SH3GL2: variants seen among roughly 807,000 people sequenced by gnomAD.
The protein encoded by SH3GL2 is SH3 domain containing GRB2 like 2, endophilin A1, also known as endophilin-A1.
Under a neutral mutation model 46.0 loss-of-function variants are expected in SH3GL2, and 24 were observed. That is an observed-to-expected ratio of 0.52 (90% CI 0.38 to 0.73). SH3GL2 has a LOEUF of 0.73. Ranked by LOEUF, SH3GL2 falls within the 30% of genes least tolerant of loss-of-function variation. The pLI is 0.00. For synonymous variants in SH3GL2, 196 were observed against 147.1 expected (o/e 1.33, Z -2.40); for missense variants, 413 against 424.2 (o/e 0.97, Z 0.23).
At chr9:17,598,711 T>G (rs979119830) in intron 1 of SH3GL2, among the ~76,000 whole-genome samples, 41 of 152,374 alleles carry the variant, frequency 2.7e-4, no homozygotes, top group African/African-American at 8.9e-4. Context: ...GCATTAATTT[T>G]ATGGCCATTC....
intron 3 of SH3GL2, among the ~76,000 whole-genome samples, chr9:17,777,840 G>C (rs1823685838): frequency 6.6e-6 from 1 of 152,054 alleles, no homozygotes; most frequent in Non-Finnish European, 1.5e-5. Flanking sequence ...TTCAGCATAT[G>C]AATTTGGGGA....
intron 1 of SH3GL2, among the ~76,000 whole-genome samples, chr9:17,743,640 CGTTGT>C (rs1822597918): frequency 6.6e-6 from 1 of 150,788 alleles, no homozygotes; most frequent in East Asian, 2.0e-4. Flanking sequence ...GATTTGACCC[CGTTGT>C]GTTATCAAGA....
chr9:17,725,080 T>C (rs563138244), intron 1 of SH3GL2, among the ~76,000 whole-genome samples: 33 of 152,226 alleles, frequency 2.2e-4, no homozygotes, highest in Admixed American at 2.1e-3. Context: ...AGATTTTATT[T>C]TATTTTAACT....
At chr9:17,754,921 C>T (rs1238876669) in intron 2 of SH3GL2, among the ~76,000 whole-genome samples, 6 of 152,088 alleles carry the variant, frequency 3.9e-5, no homozygotes, top group African/African-American at 2.4e-5. Flanking sequence ...TAGGATCATG[C>T]CGTCTGCAAA....
In SH3GL2 at chr9:17,586,086, T is replaced by A. The variant is rs537438508; in HGVS notation, c.45+6799T>A. 1.4e-4 allele frequency among the ~76,000 whole-genome samples: 22 copies of A among 152,314 alleles called. No individual in the cohort carries two copies. In the East Asian group the frequency reaches 3.9e-3, roughly 27 times the overall value. On this transcript the variant is annotated intron_variant, in intron 1 of 8. Coordinates refer to ENST00000380607, the MANE Select transcript of SH3GL2 (RefSeq NM_003026.5). ...AGTCTTTTGCATTCTACCAACAAAA[T>A]ATTTTCATGCTATACTAAATCATTA... is the stretch of plus-strand genomic sequence containing the variant.
At chr9:17,658,767 T>G (rs1820147631) in intron 1 of SH3GL2, among the ~76,000 whole-genome samples, 1 of 152,200 alleles carries the variant, frequency 6.6e-6, no homozygotes, top group African/African-American at 2.4e-5. Context: ...GTATTGAACT[T>G]GTCTGAAAAG....
At chr9:17,668,595 T>C (rs1190168040) in intron 1 of SH3GL2, among the ~76,000 whole-genome samples, 1 of 152,244 alleles carries the variant, frequency 6.6e-6, no homozygotes, top group Non-Finnish European at 1.5e-5. Flanking sequence ...AATTCACCCA[T>C]GTTTTCCCCT....
intron 1 of SH3GL2, among the ~76,000 whole-genome samples, chr9:17,744,532 A>C (rs927089385): frequency 6.6e-6 from 1 of 151,878 alleles, no homozygotes; most frequent in African/African-American, 2.4e-5. Flanking sequence ...TGTTCAACTA[A>C]TTTATTTTTA....
chr9:17,787,991 G>A (rs1174302005), intron 5 of SH3GL2, among the ~76,000 whole-genome samples: 1 of 152,092 alleles, frequency 6.6e-6, no homozygotes, highest in Non-Finnish European at 1.5e-5. Context: ...TTTTCATAAT[G>A]GTTGTTAGGA....
chr9:17,662,963 A>G (rs1386595635), intron 1 of SH3GL2, among the ~76,000 whole-genome samples: 1 of 152,138 alleles, frequency 6.6e-6, no homozygotes, highest in Non-Finnish European at 1.5e-5. Flanking sequence ...CCCGCCTCCC[A>G]AAGTGCTGGG....
chr9:17,698,281 T>G (rs1484749582), intron 1 of SH3GL2, among the ~76,000 whole-genome samples: 1 of 152,210 alleles, frequency 6.6e-6, no homozygotes, highest in Non-Finnish European at 1.5e-5. Flanking sequence ...CCTCTGAATT[T>G]CTGACTCATA....
At chr9:17,587,689 A>C (rs6475153) in intron 1 of SH3GL2, among the ~76,000 whole-genome samples, 14,468 of 151,980 alleles carry the variant, frequency 0.095, 2,295 homozygotes, top group African/African-American at 0.33. Flanking sequence ...ACCAGCCTGG[A>C]CAACATGGTG....
intron 1 of SH3GL2, among the ~76,000 whole-genome samples, chr9:17,619,927 G>A (rs1230138043): frequency 6.6e-6 from 1 of 152,116 alleles, no homozygotes; most frequent in Non-Finnish European, 1.5e-5. Context: ...TCATCAGCCT[G>A]GAGTGTTAAA....
rs72715499 is a variant in SH3GL2 at position 17,749,831 on chromosome 9, C to T, written c.114+2697C>T. Among the ~76,000 whole-genome samples the T allele has an allele frequency of 7.7e-4, 117 of 152,282 alleles. 2 individuals carry two copies. The highest frequency in any genetic ancestry group is 1.3e-3 in the Non-Finnish European group (90 of 68,024). On this transcript the variant is annotated intron_variant, in intron 2 of 8. Transcript: ENST00000380607. ...TAGGCAAATACCAACAGACCTTCCT[C>T]TGAGTATGAAAGTAAGGTATAAGGA...
intron 2 of SH3GL2, among the ~76,000 whole-genome samples, chr9:17,755,020 A>T (rs898928449): frequency 3.3e-5 from 5 of 152,040 alleles, no homozygotes; most frequent in Non-Finnish European, 5.9e-5. Flanking sequence ...TTCCAATACT[A>T]TGTTAAATAG....
chr9:17,764,274 C>T (rs569469597), intron 3 of SH3GL2, among the ~76,000 whole-genome samples: 2 of 152,290 alleles, frequency 1.3e-5, no homozygotes, highest in Non-Finnish European at 2.9e-5. Flanking sequence ...TTTAAACAAC[C>T]TGCATTTAAT....
At chr9:17,629,084 AC>A (rs1381258537) in intron 1 of SH3GL2, among the ~76,000 whole-genome samples, 2 of 151,784 alleles carry the variant, frequency 1.3e-5, no homozygotes, top group East Asian at 3.9e-4. Context: ...TGGGATGTTG[AC>A]CTTTATAGTA....
At chr9:17,688,357 A>G (rs990175914) in intron 1 of SH3GL2, among the ~76,000 whole-genome samples, 3 of 152,092 alleles carry the variant, frequency 2.0e-5, no homozygotes, top group African/African-American at 7.2e-5. Context: ...GTAGTTTGGG[A>G]TGGAAAATGG....
intron 1 of SH3GL2, among the ~76,000 whole-genome samples, chr9:17,610,435 A>G (rs1219691817): frequency 1.3e-5 from 2 of 152,202 alleles, no homozygotes; most frequent in Admixed American, 1.3e-4. Flanking sequence ...AGAGTATACA[A>G]TTTAGTAAGA....
Sources: allele counts gnomAD v4.1 joint callset (sites outside exome capture counted in the v4.1 genomes callset), GRCh38; gene constraint gnomAD v4.1.1; transcripts MANE v1.5; gene names NCBI Gene and HGNC (gene_info 2026-07-23, HGNC 2026-07-21).